PSD3: variants seen among roughly 807,000 people sequenced by gnomAD.
PSD3 encodes the protein PH and SEC7 domain-containing protein 3.
In PSD3, 49 loss-of-function variants were observed where a neutral mutation model predicts 105.5. The observed-to-expected ratio is 0.46, with a 90% CI of 0.37 to 0.59. The LOEUF is 0.59. Among genes scored for constraint, PSD3 ranks in the 20% least tolerant of loss-of-function variants. The probability of loss-of-function intolerance (pLI) is 0.00; values close to 1 mark genes in which losing one functional copy is unlikely to be tolerated. For missense variants in PSD3, 1,561 were observed against 1,263.8 expected (o/e 1.24, Z -3.57); for synonymous variants, 557 against 457.8 (o/e 1.22, Z -2.77).
At chr8:18,749,598 C>A (rs564697232) in intron 9 of PSD3, among the ~76,000 whole-genome samples, 2 of 152,284 alleles carry the variant, frequency 1.3e-5, no homozygotes, top group African/African-American at 4.8e-5. Flanking sequence ...TCTGGATTAT[C>A]TGGGTGGGCC....
At chr8:18,600,787 C>A (rs67035674) in intron 11 of PSD3, among the ~76,000 whole-genome samples, 16,465 of 152,170 alleles carry the variant, frequency 0.11, 1,061 homozygotes, top group South Asian at 0.15. Flanking sequence ...AGGAAGCATA[C>A]TGGAAATACA....
chr8:18,685,840 A>G (rs538735421), intron 9 of PSD3, among the ~76,000 whole-genome samples: 7 of 152,266 alleles, frequency 4.6e-5, no homozygotes, highest in East Asian at 1.9e-4. Context: ...CTAATACCAT[A>G]ATAAAGATAA....
chr8:19,031,009 C>T (rs1408986331), intron 1 of PSD3, among the ~76,000 whole-genome samples: 3 of 152,180 alleles, frequency 2.0e-5, no homozygotes, highest in Non-Finnish European at 2.9e-5. Context: ...AGGAAGACTA[C>T]ATTTCCCAGT....
chr8:18,698,117 G>A (rs1055993071), intron 9 of PSD3, among the ~76,000 whole-genome samples: 1 of 152,062 alleles, frequency 6.6e-6, no homozygotes, highest in Non-Finnish European at 1.5e-5. Flanking sequence ...TGTTTTTTCA[G>A]AGACAGGGTC....
chr8:19,046,790 T>G (rs1231395428), intron 1 of PSD3, among the ~76,000 whole-genome samples: 1 of 152,232 alleles, frequency 6.6e-6, no homozygotes, highest in Non-Finnish European at 1.5e-5. Context: ...TCGACACTGC[T>G]GAACAGTAGT....
At chr8:19,045,250 A>G (rs1335213573) in intron 1 of PSD3, among the ~76,000 whole-genome samples, 1 of 152,180 alleles carries the variant, frequency 6.6e-6, no homozygotes, top group Admixed American at 6.5e-5. Context: ...TAATATCCGA[A>G]TTGTGAAAGC....
chr8:18,569,241 CAAATGGTATTTCT>C (rs1201328270), intron 14 of PSD3, among the ~76,000 whole-genome samples: 1 of 128,518 alleles, frequency 7.8e-6, no homozygotes, highest in African/African-American at 2.9e-5. Context: ...ATGGCTGGGT[CAAATGGTATTTCT>C]AGTTCTAGAT....
At chr8:18,820,947 A>G (rs1812649497) in intron 4 of PSD3, among the ~76,000 whole-genome samples, 2 of 152,156 alleles carry the variant, frequency 1.3e-5, no homozygotes, top group African/African-American at 4.8e-5. Context: ...ACAGGGGCTC[A>G]TGATGTTGCC....
At position 18,836,882 on chromosome 8, in the gene PSD3, G is replaced by C. The variant is rs368525233; in HGVS notation, c.1634+30792C>G. 7.8e-4 allele frequency among the ~76,000 whole-genome samples: 116 copies of C among 149,232 alleles called. 2 individuals are homozygous for C. The South Asian group carries it at 0.024, about 31-fold the overall frequency. ...ATTTTTGATCCACAGTTGGTTTAATGCGATGTGGAACTCACAGATACCAGG... is the reference window on the plus strand; with the variant it reads ...ATTTTTGATCCACAGTTGGTTTAATCCGATGTGGAACTCACAGATACCAGG... On this transcript the variant is annotated intron_variant, in intron 4 of 15. Transcript: ENST00000327040.
chr8:18,672,985 C>A (rs1164924082), intron 9 of PSD3, among the ~76,000 whole-genome samples: 1 of 152,070 alleles, frequency 6.6e-6, no homozygotes, highest in African/African-American at 2.4e-5. Context: ...AAAAAAATTT[C>A]TCAAGGCAAT....
At chr8:18,830,722 C>T (rs942453266) in intron 4 of PSD3, among the ~76,000 whole-genome samples, 1 of 152,198 alleles carries the variant, frequency 6.6e-6, no homozygotes, top group South Asian at 2.1e-4. Context: ...TCCACCCCTT[C>T]GGAAGGCGTA....
In PSD3 at chr8:18,841,961, G is replaced by T. The variant is rs117981638; in HGVS notation, c.1634+25713C>A. ...TCAGACCAGTGGAGAGGTAGGGAAG[G>T]AAGAGCTGCCAGAAACCCTGCCCAC... On this transcript the variant is annotated intron_variant, in intron 4 of 15. Transcript: ENST00000327040. Among the ~76,000 whole-genome samples, 433 of 152,298 alleles carry T rather than the reference G, an allele frequency of 2.8e-3. 2 individuals carry two copies. The highest frequency in any genetic ancestry group is 3.0e-3 in the Non-Finnish European group (204 of 68,024).
Position 18,871,864 on chromosome 8 carries a change from T to C in PSD3, c.1000A>G (p.Ser334Gly), listed in dbSNP as rs752703022. The C allele has an allele frequency of 3.8e-5, 61 of 1,614,122 alleles. No homozygotes were observed. The highest frequency in any genetic ancestry group is 1.0e-4 in the Admixed American group (6 of 60,014). ...TSLQRTASPD[S>G]KESSKVPRHL... Reference sequence around the variant, plus strand: ...CGTGGCACTTTGGAAGACTCTTTGCTGTCAGGAGAGGCTGTTCTTTGCAGT... The same window carrying C: ...CGTGGCACTTTGGAAGACTCTTTGCCGTCAGGAGAGGCTGTTCTTTGCAGT... The change falls in exon 3 of 16, where the codon AGC becomes GGC. Residue 334 changes from serine to glycine, a missense_variant. Coordinates refer to ENST00000327040, the MANE Select transcript of PSD3 (RefSeq NM_015310.4).
intron 9 of PSD3, among the ~76,000 whole-genome samples, chr8:18,672,381 G>A (rs1270049645): frequency 6.6e-6 from 1 of 151,872 alleles, no homozygotes; most frequent in Non-Finnish European, 1.5e-5. Context: ...TTGACATTTA[G>A]AGAGAATGCC....
At chr8:18,549,541 T>C (rs1800644926) in intron 15 of PSD3, among the ~76,000 whole-genome samples, 1 of 152,210 alleles carries the variant, frequency 6.6e-6, no homozygotes, top group Non-Finnish European at 1.5e-5. Flanking sequence ...AATGGTGTGC[T>C]AAAACTTCTC....
intron 12 of PSD3, among the ~76,000 whole-genome samples, chr8:18,593,063 G>A (rs552018577): frequency 6.6e-6 from 1 of 152,164 alleles, no homozygotes; most frequent in Non-Finnish European, 1.5e-5. Flanking sequence ...ATAGGCACGG[G>A]CAAGGACTTC....
intron 12 of PSD3, among the ~76,000 whole-genome samples, chr8:18,583,072 C>T (rs917874075): frequency 2.6e-5 from 4 of 152,062 alleles, no homozygotes; most frequent in African/African-American, 9.7e-5. Flanking sequence ...ATGATCCACC[C>T]GCCTCAGCCT....
chr8:18,544,183 A>C (rs1456291492), intron 15 of PSD3, among the ~76,000 whole-genome samples: 1 of 51,774 alleles, frequency 1.9e-5, no homozygotes, highest in African/African-American at 3.6e-5. Context: ...AAAAAAAAAA[A>C]AAAAAAAAAA....
intron 1 of PSD3, among the ~76,000 whole-genome samples, chr8:18,946,061 T>C (rs948743166): frequency 1.3e-5 from 2 of 152,260 alleles, no homozygotes; most frequent in Non-Finnish European, 2.9e-5. Context: ...ATTAATGAGA[T>C]AATCACAAGA....
Sources: gnomAD v4.1 joint callset for allele counts (sites outside exome capture counted in the v4.1 genomes callset) on GRCh38, gnomAD v4.1.1 for gene constraint, MANE v1.5 for transcripts, NCBI Gene and HGNC (gene_info 2026-07-23, HGNC 2026-07-21) for gene names.